The following SPG11 variants were observed in gnomAD, a reference collection of about 807,000 sequenced individuals.
SPG11 encodes spatacsin.
SPG11 carries 222 observed loss-of-function variants against 274.0 expected under a neutral mutation model. That is an observed-to-expected ratio of 0.81 (90% confidence interval 0.73 to 0.91). SPG11 has a LOEUF of 0.91. Among genes scored for constraint, SPG11 ranks in the 40% least tolerant of loss-of-function variants. The pLI is 0.00. For synonymous variants in SPG11, 1,144 were observed against 1,039.7 expected (o/e 1.10, Z -1.93); for missense variants, 3,114 against 2,872.7 (o/e 1.08, Z -1.92).
intron 30 of SPG11, among the ~76,000 whole-genome samples, chr15:44,576,370 C>T (rs563711171): frequency 9.4e-5 from 14 of 148,442 alleles, no homozygotes; most frequent in South Asian, 6.5e-4. Context: ...GGGGTCAGGC[C>T]AGGTGTGGTG....
intron 8 of SPG11, among the ~76,000 whole-genome samples, chr15:44,630,692 G>A (rs1469821353): frequency 6.6e-6 from 1 of 152,126 alleles, no homozygotes; most frequent in Non-Finnish European, 1.5e-5. Context: ...CGATTCTCCT[G>A]CCTCAGCCTC....
At chr15:44,660,409 A>G in intron 2 of SPG11, 23 bp downstream of exon 2, 2 of 1,607,808 alleles carry the variant, frequency 1.2e-6, no homozygotes, top group Non-Finnish European at 1.7e-6. Flanking sequence ...AAATATGCTG[A>G]AAGACCACCT....
chr15:44,633,769 T>A, intron 7 of SPG11, 132 bp from the exon 8 acceptor site: 2 of 835,028 alleles, frequency 2.4e-6, no homozygotes, highest in South Asian at 1.5e-5. Flanking sequence ...CATGAGTACA[T>A]GGGCTCCAGT....
intron 7 of SPG11, among the ~76,000 whole-genome samples, chr15:44,648,445 G>T (rs1360250599): frequency 6.6e-6 from 1 of 151,240 alleles, no homozygotes; most frequent in Admixed American, 6.6e-5. Context: ...CCTGGGAGGC[G>T]GAGGTTGCAG....
At chr15:44,617,829 C>A (rs1318821389) in intron 15 of SPG11, among the ~76,000 whole-genome samples, 2 of 152,058 alleles carry the variant, frequency 1.3e-5, no homozygotes, top group African/African-American at 4.8e-5. Context: ...GCAAGTGCCA[C>A]CACGCCCAGC....
Position 44,592,399 on chromosome 15 carries a change from A to G in SPG11, c.4675T>C (p.Cys1559Arg), listed in dbSNP as rs757658545. ...TCTTTATAATTCCTGAAGAACATACACAGTTCATACATCTCCATCACCAGT... is the reference window on the plus strand; with the variant it reads ...TCTTTATAATTCCTGAAGAACATACGCAGTTCATACATCTCCATCACCAGT... ...LLLVMEMYEL[C>R]MFFRNYKEAE... Residue 1559 changes from cysteine to arginine, a missense_variant, in exon 27 of 40, where the codon TGT becomes CGT. Transcript: ENST00000261866. 3.1e-6 allele frequency: 5 copies of G among 1,611,064 alleles called. No homozygotes were observed. Among genetic ancestry groups the G allele is most frequent in the Admixed American group, 3.3e-5 (2 of 60,006 alleles).
At position 44,607,314 on chromosome 15, in the gene SPG11, C is replaced by G. The variant is rs1406993375; in HGVS notation, c.3453+1130G>C. On this transcript the variant is annotated intron_variant, in intron 19 of 39. Coordinates refer to ENST00000261866, the MANE Select transcript of SPG11 (RefSeq NM_025137.4). ...ATTATTTTTTTGAGACGGGGTCTCG[C>G]TCTGTTGCCCAGGCTAGAGTGCAAT... Among the ~76,000 whole-genome samples the G allele has an allele frequency of 2.6e-5, 4 of 152,196 alleles. No homozygotes were observed. The East Asian group carries it at 7.7e-4, about 29-fold the overall frequency.
chr15:44,653,540 T>C (rs2084847622), intron 4 of SPG11, among the ~76,000 whole-genome samples: 1 of 152,130 alleles, frequency 6.6e-6, no homozygotes, highest in South Asian at 2.1e-4. Flanking sequence ...CTATTGTGGA[T>C]GGATTTGAGG....
At chr15:44,570,122 G>A (rs1196909071) in intron 34 of SPG11, among the ~76,000 whole-genome samples, 2 of 152,152 alleles carry the variant, frequency 1.3e-5, no homozygotes, top group African/African-American at 4.8e-5. Flanking sequence ...CAGCCACTCA[G>A]GTCAGTTTCA....
At chr15:44,649,059 G>C (rs1215202459) in intron 6 of SPG11, 48 bp from the exon 7 acceptor site, 2 of 1,485,018 alleles carry the variant, frequency 1.3e-6, no homozygotes, top group South Asian at 1.1e-5. Context: ...TTAGATTTTA[G>C]GATTATGATT....
In SPG11 at chr15:44,570,598, A is replaced by G; in HGVS notation, c.6404T>C (p.Ile2135Thr). The change falls in exon 34 of 40, where the codon ATC (isoleucine) becomes ACC (threonine). Residue 2135 changes from isoleucine (I) to threonine (T), a missense_variant. Transcript: ENST00000261866. ...CFTLTCHMEG[I>T]IRVLQAAHML... ...GTGGGCGGCCTGTAGGACTCGGATG[A>G]TGCCCTCCATGTGGCACGTCAGGGT... The G allele has an allele frequency of 6.2e-7, 1 of 1,614,098 alleles. No individual in the cohort carries two copies. Among genetic ancestry groups the G allele is most frequent in the South Asian group, 1.1e-5 (1 of 91,064 alleles).
intron 33 of SPG11, 36 bp downstream of exon 33, chr15:44,572,647 G>T (rs1470706754): frequency 6.2e-7 from 1 of 1,613,072 alleles, no homozygotes; most frequent in Non-Finnish European, 8.5e-7. Flanking sequence ...GACCTGTTTA[G>T]GGCCAAAATA....
At position 44,589,291 on chromosome 15, in the gene SPG11, A is replaced by C; in HGVS notation, c.4867T>G (p.Leu1623Val). ...TGCTCTCTTTCAACAAAGAGCTGTA[A>C]AAGCTTCCCCAGCTCATACTGGGTC... Reference protein sequence around the residue: ...CKTQYELGKLLQLFVEREHLF... With the variant: ...CKTQYELGKLVQLFVEREHLF... Residue 1623 changes from leucine (L) to valine (V), a missense_variant, in exon 28 of 40, where the codon TTA (leucine) becomes GTA (valine). Coordinates refer to ENST00000261866, the MANE Select transcript of SPG11 (RefSeq NM_025137.4). 6.2e-7 allele frequency: 1 copy of C among 1,614,132 alleles called. No individual in the cohort carries two copies. Among genetic ancestry groups the C allele is most frequent in the Non-Finnish European group, 8.5e-7 (1 of 1,179,996 alleles).
chr15:44,569,718 C>CTT (rs1047071923), intron 34 of SPG11, among the ~76,000 whole-genome samples: 12 of 138,384 alleles, frequency 8.7e-5, no homozygotes, highest in Middle Eastern at 3.8e-3. Context: ...ACTGGCTGTT[C>CTT]TTTTTTTTTT....
rs530746236 is a variant in SPG11, at chr15:44,621,464, T to C, written c.2620+295A>G. 4 of 377,756 alleles carry C rather than the reference T, an allele frequency of 1.1e-5. No homozygotes were observed. In the East Asian group the frequency reaches 2.5e-4, roughly 23 times the overall value. The allele number at this position is 377,756 out of a possible 1,614,324, so 23.4% of individuals were successfully genotyped here. ...TATCAGATGGCATAGATCCCCAATT[T>C]ACACAAGAAGCTCAAGACTATTTGA... On this transcript the variant is annotated intron_variant, in intron 14 of 39. Transcript: ENST00000261866.
Position 44,573,725 on chromosome 15 carries a change from T to C in SPG11, c.6027A>G (p.Thr2009=). The change falls in exon 32 of 40, where the codon ACA becomes ACG. Residue 2009 remains threonine (T), a synonymous_variant. Coordinates refer to ENST00000261866, the MANE Select transcript of SPG11 (RefSeq NM_025137.4). The part of the protein sequence containing the change: ...DLAKELGCSY[T]DVAAQDGEAM... ...CTTCACCATCCTGAGCAGCAACATC[T>C]GTGTAGGAACAGCCCAACTCCTGAG... 2 of 1,614,196 alleles carry C rather than the reference T, an allele frequency of 1.2e-6. No individual in the cohort carries two copies. The highest frequency in any genetic ancestry group is 8.5e-7 in the Non-Finnish European group (1 of 1,180,040).
intron 23 of SPG11, 44 bp from the exon 24 acceptor site, chr15:44,596,987 A>C (rs1243800763): frequency 1.9e-6 from 3 of 1,591,288 alleles, no homozygotes; most frequent in East Asian, 4.5e-5. Context: ...AAAAAACAAA[A>C]AACTCATTAA....
rs757146719 is a variant in SPG11, at chr15:44,583,849, T to G, written c.5831A>C (p.Glu1944Ala). 6.2e-7 allele frequency: 1 copy of G among 1,614,200 alleles called. No homozygotes were observed. Among genetic ancestry groups the G allele is most frequent in the East Asian group, 2.2e-5 (1 of 44,886 alleles). ...TCTCCTTAGGGGAATGTCGGGTGCTTCTTCCTCAAGCAGCTCAGCACTTTG... is the reference window on the plus strand; with the variant it reads ...TCTCCTTAGGGGAATGTCGGGTGCTGCTTCCTCAAGCAGCTCAGCACTTTG... ...LLQSAELLEE[E>A]APDIPLRRVH... Residue 1944 changes from glutamate to alanine, a missense_variant, in exon 30 of 40, where the codon GAA becomes GCA. Coordinates refer to ENST00000261866, the MANE Select transcript of SPG11 (RefSeq NM_025137.4).
At chr15:44,640,184 T>C (rs2084399267) in intron 7 of SPG11, among the ~76,000 whole-genome samples, 1 of 152,194 alleles carries the variant, frequency 6.6e-6, no homozygotes, top group South Asian at 2.1e-4. Flanking sequence ...CACTCCAGCC[T>C]GGGTGACAGC....
Sources: allele counts gnomAD v4.1 joint callset (sites outside exome capture counted in the v4.1 genomes callset), GRCh38; gene constraint gnomAD v4.1.1; transcripts MANE v1.5; gene names NCBI Gene and HGNC (gene_info 2026-07-23, HGNC 2026-07-21).